Variants in ALPL observed in about 807,000 individuals in gnomAD.
ALPL encodes alkaline phosphatase, tissue-nonspecific isozyme.
ALPL carries 42 observed loss-of-function variants against 51.3 expected under a neutral mutation model. The observed-to-expected ratio is 0.82, with a 90% CI of 0.64 to 1.06. The LOEUF (loss-of-function observed/expected upper bound fraction) is 1.06, where lower values mean the gene tolerates loss of function less well. ALPL is among the 50% of genes least tolerant of loss of function. The probability of loss-of-function intolerance (pLI) is 0.00; values close to 1 mark genes in which losing one functional copy is unlikely to be tolerated. For missense variants in ALPL, 589 were observed against 709.4 expected (o/e 0.83, Z 1.93); for synonymous variants, 279 against 296.4 (o/e 0.94, Z 0.60).
At chr1:21,515,870 T>TTTGTTG (rs57634288) in intron 1 of ALPL, among the ~76,000 whole-genome samples, 50 of 151,718 alleles carry the variant, frequency 3.3e-4, no homozygotes, top group East Asian at 2.5e-3. Context: ...GTTTGTTTGT[T>TTTGTTG]TTGTTGTTGT....
intron 10 of ALPL, among the ~76,000 whole-genome samples, chr1:21,576,279 ATGGATGGG>A (rs1182369387): frequency 6.7e-6 from 1 of 148,232 alleles, no homozygotes; most frequent in African/African-American, 2.5e-5. Context: ...GGGTGGATGG[ATGGATGGG>A]TGGATGGATG....
At chr1:21,528,943 G>T (rs1046362172) in intron 1 of ALPL, among the ~76,000 whole-genome samples, 34 of 151,642 alleles carry the variant, frequency 2.2e-4, no homozygotes, top group African/African-American at 7.5e-4. Context: ...GGTGGTGGGC[G>T]CCTGTAATCC....
At chr1:21,574,339 C>A in intron 9 of ALPL, 1 of 394,062 alleles carries the variant, frequency 2.5e-6, no homozygotes, top group Non-Finnish European at 3.5e-6. Flanking sequence ...TGTTCAGAGA[C>A]ATAAAGTACT....
intron 1 of ALPL, among the ~76,000 whole-genome samples, chr1:21,546,495 C>T (rs1644254835): frequency 1.3e-5 from 2 of 152,204 alleles, no homozygotes; most frequent in African/African-American, 4.8e-5. Context: ...ATCATAACCA[C>T]TCTCCTGACT....
At chr1:21,533,129 C>T (rs749929741) in intron 1 of ALPL, among the ~76,000 whole-genome samples, 2 of 152,228 alleles carry the variant, frequency 1.3e-5, no homozygotes, top group Non-Finnish European at 2.9e-5. Flanking sequence ...CGTTTACTTA[C>T]CCTAATATAT....
Position 21,577,927 on chromosome 1 carries a change from A to G in ALPL, c.*279A>G, listed in dbSNP as rs990104878. The G allele has an allele frequency of 1.8e-6, 1 of 569,464 alleles. No individual in the cohort carries two copies. Among genetic ancestry groups the G allele is most frequent in the Non-Finnish European group, 3.1e-6 (1 of 321,170 alleles). The allele number at this position is 569,464 out of a possible 1,614,324, so 35.3% of individuals were successfully genotyped here. Reference sequence around the variant, plus strand: ...CAGGCAGAGAGTACAGACTGCAGACATTCTCAAAGCCTCTTATTTTTCTAG... The same window carrying G: ...CAGGCAGAGAGTACAGACTGCAGACGTTCTCAAAGCCTCTTATTTTTCTAG... On this transcript the variant is annotated 3_prime_UTR_variant, in exon 12 of 12. Transcript: ENST00000374840.
chr1:21,554,803 GTCTGTCTGTCTGTCTTTCTT>G (rs1465890357), intron 2 of ALPL, among the ~76,000 whole-genome samples: 2,694 of 42,410 alleles, frequency 0.064, 49 homozygotes, highest in Non-Finnish European at 0.088. Flanking sequence ...CTGTCTGTCT[GTCTGTCTGTCTGTCTTTCTT>G]TCTTTCTTTC....
chr1:21,548,635 G>A (rs376903485), intron 1 of ALPL, among the ~76,000 whole-genome samples: 4 of 152,084 alleles, frequency 2.6e-5, no homozygotes, highest in East Asian at 1.9e-4. Context: ...TTCTTTATTC[G>A]CTCACCTGTT....
At chr1:21,565,758 G>A (rs1644555222) in intron 6 of ALPL, among the ~76,000 whole-genome samples, 1 of 149,240 alleles carries the variant, frequency 6.7e-6, no homozygotes, top group Non-Finnish European at 1.5e-5. Flanking sequence ...CCCCCCAAAA[G>A]CCTCCCAGTC....
intron 10 of ALPL, 28 bp downstream of exon 10, chr1:21,575,952 C>CTCCTG: frequency 6.2e-7 from 1 of 1,612,966 alleles, no homozygotes; most frequent in Non-Finnish European, 8.5e-7. Context: ...GGGGTGGACA[C>CTCCTG]TCCTGGGGTC....
chr1:21,567,932 C>T (rs934353495), intron 6 of ALPL, among the ~76,000 whole-genome samples, 172 bp from the exon 7 acceptor site: 6 of 152,102 alleles, frequency 3.9e-5, no homozygotes, highest in Admixed American at 1.3e-4. Flanking sequence ...GTGATTTCAT[C>T]TCCCCACGCT....
At chr1:21,520,499 G>A (rs1324822308) in intron 1 of ALPL, among the ~76,000 whole-genome samples, 5 of 116,802 alleles carry the variant, frequency 4.3e-5, no homozygotes, top group African/African-American at 1.7e-4. Context: ...ACGGAGTCTC[G>A]CCCTGTCGCC....
chr1:21,571,699 A>AAGACTCAGTTTCCTCATCTGT (rs1644651337), intron 8 of ALPL, among the ~76,000 whole-genome samples: 1 of 141,056 alleles, frequency 7.1e-6, no homozygotes, highest in African/African-American at 2.7e-5. Context: ...ACAAACACGA[A>AAGACTCAGTTTCCTCATCTGT]AAAACTTAGG....
At chr1:21,570,799 C>T (rs777304474) in intron 8 of ALPL, among the ~76,000 whole-genome samples, 40 of 152,150 alleles carry the variant, frequency 2.6e-4, no homozygotes, top group Non-Finnish European at 5.7e-4. Flanking sequence ...CTGACGATTG[C>T]CCTCCTCCCC....
In ALPL at chr1:21,570,327, G is replaced by A. The variant is rs781272386; in HGVS notation, c.815G>A (p.Arg272His). 11 of 1,613,918 alleles carry A rather than the reference G, an allele frequency of 6.8e-6. No individual in the cohort carries two copies. The highest frequency in any genetic ancestry group is 2.2e-5 in the South Asian group (2 of 91,086). The change falls in exon 8 of 12, where the codon CGC becomes CAC. Residue 272 changes from arginine to histidine, a missense_variant. Transcript: ENST00000374840. ...RYKHSHFIWN[R>H]TELLTLDPHN... The stretch of plus-strand genomic sequence containing the variant: ...TAGCACTCCCACTTCATCTGGAACC[G>A]CACGGAACTCCTGACCCTTGACCCC...
intron 2 of ALPL, 97 bp from the exon 3 acceptor site, chr1:21,560,529 C>T: frequency 2.0e-6 from 3 of 1,515,884 alleles, no homozygotes; most frequent in East Asian, 2.3e-5. Flanking sequence ...CAAGTTCAGG[C>T]ATTCCAGCCT....
At chr1:21,572,797 T>A (rs1288475513) in intron 8 of ALPL, among the ~76,000 whole-genome samples, 1 of 152,208 alleles carries the variant, frequency 6.6e-6, no homozygotes, top group Non-Finnish European at 1.5e-5. Context: ...ATTCTCCTTA[T>A]GTCACAAGTG....
chr1:21,551,771 G>A (rs1644326743), intron 1 of ALPL, among the ~76,000 whole-genome samples: 1 of 132,438 alleles, frequency 7.6e-6, no homozygotes, highest in African/African-American at 2.8e-5. Flanking sequence ...TGTCGCCCAG[G>A]CTGGAGTGCA....
chr1:21,574,534 C>CAA (rs1489450891), intron 9 of ALPL: 5 of 152,594 alleles, frequency 3.3e-5, no homozygotes, highest in African/African-American at 9.7e-5. Flanking sequence ...GGTATGTATA[C>CAA]ACACACATGC....
Sources: gnomAD v4.1 joint callset for allele counts (sites outside exome capture counted in the v4.1 genomes callset) on GRCh38, gnomAD v4.1.1 for gene constraint, MANE v1.5 for transcripts, NCBI Gene and HGNC (gene_info 2026-07-23, HGNC 2026-07-21) for gene names.